UST: variants seen among roughly 807,000 people sequenced by gnomAD.
UST encodes the protein chondroitin sulfate 2-O-sulfotransferase.
UST carries 21 observed loss-of-function variants against 45.6 expected under a neutral mutation model. The ratio of observed to expected loss-of-function variants is 0.46; its 90% confidence interval spans 0.33 to 0.66. The LOEUF (loss-of-function observed/expected upper bound fraction) is 0.66, where lower values mean the gene tolerates loss of function less well. UST is among the 30% of genes least tolerant of loss of function. UST has a pLI of 0.02. For synonymous variants in UST, 215 were observed against 200.6 expected (o/e 1.07, Z -0.61); for missense variants, 463 against 512.4 (o/e 0.90, Z 0.93).
chr6:148,799,874 G>C (rs1271580608), intron 1 of UST, among the ~76,000 whole-genome samples: 2 of 152,142 alleles, frequency 1.3e-5, no homozygotes, highest in African/African-American at 4.8e-5. Flanking sequence ...CCTGTATGGG[G>C]AAGTAGAATT....
chr6:148,969,957 C>G, intron 5 of UST, among the ~76,000 whole-genome samples: 1 of 152,212 alleles, frequency 6.6e-6, no homozygotes, highest in East Asian at 1.9e-4. Flanking sequence ...GTCATATACA[C>G]GCGCACTCTC....
At chr6:149,059,673 C>T (rs1776623964) in intron 7 of UST, among the ~76,000 whole-genome samples, 1 of 152,176 alleles carries the variant, frequency 6.6e-6, no homozygotes, top group Admixed American at 6.5e-5. Context: ...GTGCTCAGTA[C>T]AGCATTGATG....
At chr6:148,869,307 A>T (rs1357162988) in intron 1 of UST, among the ~76,000 whole-genome samples, 1 of 152,216 alleles carries the variant, frequency 6.6e-6, no homozygotes, top group East Asian at 1.9e-4. Context: ...ACAAAATTTC[A>T]CGTAAATCCT....
intron 1 of UST, among the ~76,000 whole-genome samples, chr6:148,787,453 C>T (rs1776753804): frequency 1.3e-5 from 2 of 152,136 alleles, no homozygotes; most frequent in Non-Finnish European, 2.9e-5. Flanking sequence ...GAAATCCTTT[C>T]CCCATTGCTT....
At chr6:148,864,167 C>G (rs9390618) in intron 1 of UST, among the ~76,000 whole-genome samples, 3 of 152,082 alleles carry the variant, frequency 2.0e-5, no homozygotes, top group African/African-American at 4.8e-5. Context: ...TTGAGCTTCC[C>G]GGCCACTTTG....
chr6:149,069,886 G>C (rs183649969), intron 7 of UST, among the ~76,000 whole-genome samples: 1 of 152,190 alleles, frequency 6.6e-6, no homozygotes, highest in Non-Finnish European at 1.5e-5. Flanking sequence ...GTATTTCTCA[G>C]ATAGTTTTGT....
At chr6:149,034,164 C>T (rs1294860104) in intron 7 of UST, among the ~76,000 whole-genome samples, 1 of 152,162 alleles carries the variant, frequency 6.6e-6, no homozygotes, top group African/African-American at 2.4e-5. Flanking sequence ...GGCTGCTGAT[C>T]AGAGTAGTAC....
chr6:148,874,402 G>A (rs1778611912), intron 1 of UST, among the ~76,000 whole-genome samples: 2 of 152,136 alleles, frequency 1.3e-5, no homozygotes, highest in Non-Finnish European at 2.9e-5. Context: ...GAAATAGTAA[G>A]GGAAGAGCAT....
intron 5 of UST, among the ~76,000 whole-genome samples, chr6:149,014,506 C>T (rs566964131): frequency 7.9e-5 from 12 of 152,196 alleles, no homozygotes; most frequent in Non-Finnish European, 1.6e-4. Context: ...CGATGTGGCA[C>T]CTGAGCCCTG....
intron 5 of UST, among the ~76,000 whole-genome samples, chr6:148,966,149 G>A (rs975807633): frequency 5.9e-5 from 9 of 151,898 alleles, no homozygotes; most frequent in Non-Finnish European, 8.8e-5. Flanking sequence ...CTTTGAATCC[G>A]GGAGGCAGAG....
chr6:149,043,914 C>T (rs6570924), intron 7 of UST, among the ~76,000 whole-genome samples: 52,559 of 152,100 alleles, frequency 0.35, 9,543 homozygotes, highest in African/African-American at 0.4. Flanking sequence ...TCCCAGTGGC[C>T]ATCACAAAAG....
intron 1 of UST, among the ~76,000 whole-genome samples, chr6:148,876,167 G>T (rs1778647279): frequency 6.6e-6 from 1 of 152,076 alleles, no homozygotes; most frequent in Admixed American, 6.5e-5. Context: ...GAGAGCAGGG[G>T]TCTCACAGGA....
chr6:149,067,594 C>G (rs890880226), intron 7 of UST, among the ~76,000 whole-genome samples: 1 of 152,124 alleles, frequency 6.6e-6, no homozygotes, highest in Non-Finnish European at 1.5e-5. Flanking sequence ...TATCAAATAG[C>G]CAAAGCACTT....
chr6:148,941,909 T>C (rs1479664121), intron 3 of UST, among the ~76,000 whole-genome samples: 1 of 152,144 alleles, frequency 6.6e-6, no homozygotes, highest in Non-Finnish European at 1.5e-5. Context: ...GAGAGCAGCA[T>C]TTGGAATGTT....
intron 5 of UST, among the ~76,000 whole-genome samples, chr6:149,003,003 T>C (rs1260193488): frequency 6.6e-6 from 1 of 152,256 alleles, no homozygotes; most frequent in African/African-American, 2.4e-5. Flanking sequence ...GTACAGTAGA[T>C]GCCTTAATTC....
At chr6:148,854,582 A>G (rs1373381031) in intron 1 of UST, among the ~76,000 whole-genome samples, 2 of 152,190 alleles carry the variant, frequency 1.3e-5, no homozygotes, top group Non-Finnish European at 2.9e-5. Context: ...CTTAATTTTA[A>G]TATTACCATG....
intron 2 of UST, among the ~76,000 whole-genome samples, chr6:148,889,489 C>A (rs1156528989): frequency 6.6e-6 from 1 of 152,140 alleles, no homozygotes; most frequent in Non-Finnish European, 1.5e-5. Context: ...GTGTCCTCAC[C>A]AGTGACTTCC....
chr6:149,041,392 G>A (rs1217013584), intron 7 of UST, among the ~76,000 whole-genome samples: 3 of 152,222 alleles, frequency 2.0e-5, no homozygotes, highest in Non-Finnish European at 4.4e-5. Flanking sequence ...CATGAGATAG[G>A]AGCACAAATG....
At position 149,021,182 on chromosome 6, in the gene UST, C is replaced by T. The variant is rs1775974194; in HGVS notation, c.780-142C>T. ...AGGACTGGGAAGGCCCTGGATGGGG[C>T]TACATCTGGGCTGGTCCTTGAGGGA... On this transcript the variant is annotated intron_variant, in intron 6 of 7. Transcript: ENST00000367463. The T allele has an allele frequency of 9.3e-6, 8 of 858,788 alleles. No individual in the cohort carries two copies. The Admixed American group carries it at 1.6e-4, about 17-fold the overall frequency. 53.2% of individuals were successfully genotyped at this position (858,788 alleles called of 1,614,324 possible).
Sources: gnomAD v4.1 joint callset for allele counts (sites outside exome capture counted in the v4.1 genomes callset) on GRCh38, gnomAD v4.1.1 for gene constraint, MANE v1.5 for transcripts, NCBI Gene and HGNC (gene_info 2026-07-23, HGNC 2026-07-21) for gene names.